Variants in PDZD8 observed in about 807,000 individuals in gnomAD.
PDZD8 encodes the protein PDZ domain containing 8.
A neutral mutation model predicts 85.8 loss-of-function variants in PDZD8; 14 were observed. That is an observed-to-expected ratio of 0.16 (90% CI 0.11 to 0.26). The LOEUF (loss-of-function observed/expected upper bound fraction) is 0.26, where lower values mean the gene tolerates loss of function less well. Among genes scored for constraint, PDZD8 ranks in the 10% least tolerant of loss-of-function variants. PDZD8 has a pLI of 1.00. For missense variants in PDZD8, 1,197 were observed against 1,424.3 expected (o/e 0.84, Z 2.57); for synonymous variants, 592 against 568.6 (o/e 1.04, Z -0.59).
Position 117,284,720 on chromosome 10 carries a change from G to T in PDZD8, c.2013C>A (p.Asp671Glu), listed in dbSNP as rs776096500. The change falls in exon 5 of 5, where the codon GAC becomes GAA. Residue 671 changes from aspartate (D) to glutamate (E), a missense_variant. Physicochemically the swap from Asp to Glu is conservative, Grantham distance 45. Transcript: ENST00000334464. The part of the protein sequence containing the change: ...VTSETSCPTK[D>E]SSDDRQTWES... ...CCCATGTTTGACGGTCGTCCGAACTGTCCTTAGTAGGGCAGGAAGTTTCTG... is the reference window on the plus strand; with the variant it reads ...CCCATGTTTGACGGTCGTCCGAACTTTCCTTAGTAGGGCAGGAAGTTTCTG... 1.9e-6 allele frequency: 3 copies of T among 1,614,220 alleles called. No homozygotes were observed. The highest frequency in any genetic ancestry group is 1.7e-6 in the Non-Finnish European group (2 of 1,180,030).
At position 117,374,678 on chromosome 10, in the gene PDZD8, C is replaced by T; in HGVS notation, c.550G>A (p.Ala184Thr). The T allele has an allele frequency of 6.3e-7, 1 of 1,589,886 alleles. No homozygotes were observed. The highest frequency in any genetic ancestry group is 8.6e-7 in the Non-Finnish European group (1 of 1,168,572). Residue 184 changes from alanine (A) to threonine (T), a missense_variant, in exon 1 of 5, where the codon GCC becomes ACC. This residue lies in a region of PDZD8 where 344 missense variants were observed against 453.6 expected (regional missense o/e 0.76). Coordinates refer to ENST00000334464, the MANE Select transcript of PDZD8 (RefSeq NM_173791.5). The surrounding 1 kb of genome is among the most constrained non-coding windows in gnomAD (Gnocchi z 7.8). ...AAGGCCAGCTCCTCGGGGCAGGCGG[C>T]GGGCAGCGCCTCCCCTTCAGGGCCA... ...PDGPEGEALPAACPEELAFEA... is the reference protein window; with the variant it reads ...PDGPEGEALPTACPEELAFEA...
In PDZD8 at chr10:117,375,162, C is replaced by A. The variant is rs368514233; in HGVS notation, c.66G>T (p.Gln22His). Residue 22 changes from glutamine (Q) to histidine (H), a missense_variant, in exon 1 of 5, where the codon CAG (glutamine) becomes CAT (histidine). Gln to His is a conservative substitution (Grantham distance 24). This residue lies in a region of PDZD8 where 172 missense variants were observed against 137.8 expected (regional missense o/e 1.25). Coordinates refer to ENST00000334464, the MANE Select transcript of PDZD8 (RefSeq NM_173791.5). ...GCTGTCTGCGGTACAGCAGGAAGAA[C>A]TGGGCGAGGAGCGTGAGGAAGGAAC... is the stretch of plus-strand genomic sequence containing the variant. ...VLGSFLTLLA[Q>H]FFLLYRRQPE... 4.0e-5 allele frequency: 63 copies of A among 1,586,548 alleles called. No individual in the cohort carries two copies. Among genetic ancestry groups the A allele is most frequent in the East Asian group, 3.6e-4 (16 of 44,032 alleles).
intron 1 of PDZD8, among the ~76,000 whole-genome samples, chr10:117,371,168 A>G (rs947645334): frequency 6.6e-6 from 1 of 152,078 alleles, no homozygotes; most frequent in East Asian, 1.9e-4. Context: ...CATCATCACC[A>G]GTTTGTTTAT....
chr10:117,299,723 A>AT (rs1843814412), intron 3 of PDZD8, among the ~76,000 whole-genome samples: 1 of 150,764 alleles, frequency 6.6e-6, no homozygotes, highest in Non-Finnish European at 1.5e-5. Context: ...TCCATATCCT[A>AT]TTTTTTTTCT....
chr10:117,322,786 A>G (rs982262249), intron 2 of PDZD8, among the ~76,000 whole-genome samples: 4 of 152,198 alleles, frequency 2.6e-5, no homozygotes, highest in African/African-American at 9.6e-5. Context: ...ATCACTAAAA[A>G]ATAAGACTAC....
At chr10:117,360,173 T>C (rs1589592656) in intron 1 of PDZD8, among the ~76,000 whole-genome samples, 1 of 152,190 alleles carries the variant, frequency 6.6e-6, no homozygotes, top group African/African-American at 2.4e-5. Context: ...TCCCTCATAA[T>C]AGAATTCAAA....
intron 1 of PDZD8, among the ~76,000 whole-genome samples, chr10:117,364,181 G>GGGGTGT (rs150260742): frequency 1.3e-5 from 2 of 148,984 alleles, no homozygotes; most frequent in African/African-American, 4.9e-5. Context: ...ATAATTTATG[G>GGGGTGT]GTGTGTGTGT....
In PDZD8 at chr10:117,286,965, T is replaced by G. The variant is rs373184314; in HGVS notation, c.1262-1494A>C. On this transcript the variant is annotated intron_variant, in intron 4 of 4. Transcript: ENST00000334464. Reference sequence around the variant, plus strand: ...ACAACTAAGTCTCTCAAACATCAGCTGTAAATCTTTCCTGTTTCCCTAAAG... The same window carrying G: ...ACAACTAAGTCTCTCAAACATCAGCGGTAAATCTTTCCTGTTTCCCTAAAG... 2.8e-4 allele frequency among the ~76,000 whole-genome samples: 43 copies of G among 152,304 alleles called. No individual in the cohort carries two copies. The East Asian group carries it at 5.8e-3, about 21-fold the overall frequency.
intron 3 of PDZD8, among the ~76,000 whole-genome samples, chr10:117,291,018 C>T (rs1392729918): frequency 6.6e-6 from 1 of 151,132 alleles, no homozygotes; most frequent in African/African-American, 2.4e-5. Context: ...TACAGGCGTG[C>T]ACCACTACGC....
intron 3 of PDZD8, among the ~76,000 whole-genome samples, chr10:117,311,268 C>T (rs973829332): frequency 6.6e-6 from 1 of 152,116 alleles, no homozygotes; most frequent in African/African-American, 2.4e-5. Context: ...TAGTATATCT[C>T]TCATTTTGTG....
chr10:117,289,552 T>C (rs541961129), intron 4 of PDZD8, among the ~76,000 whole-genome samples: 1 of 152,364 alleles, frequency 6.6e-6, no homozygotes, highest in African/African-American at 2.4e-5. Flanking sequence ...GACATTTATA[T>C]ACAAGCAAAT....
chr10:117,299,617 T>C (rs1040469663), intron 3 of PDZD8, among the ~76,000 whole-genome samples: 9 of 152,172 alleles, frequency 5.9e-5, no homozygotes, highest in African/African-American at 2.2e-4. Context: ...GTTGAAACTT[T>C]CCACTGCATT....
chr10:117,277,957 A>G lies in PDZD8; in HGVS notation c.*5311T>C, dbSNP rs1277881157. ...CAGCAAACACTAAAGCCAATAAAGG[A>G]AAAACAGTAAATGTTCCGAAAGCAG... On this transcript the variant is annotated 3_prime_UTR_variant, in exon 5 of 5. Coordinates refer to ENST00000334464, the MANE Select transcript of PDZD8 (RefSeq NM_173791.5). 1 of 152,214 alleles carries G rather than the reference A, an allele frequency of 6.6e-6. No individual in the cohort carries two copies. The highest frequency in any genetic ancestry group is 2.4e-5 in the African/African-American group (1 of 41,462). 9.4% of individuals were successfully genotyped at this position (152,214 alleles called of 1,614,324 possible).
At chr10:117,325,475 TCA>T (rs1234796734) in intron 2 of PDZD8, among the ~76,000 whole-genome samples, 1 of 136,232 alleles carries the variant, frequency 7.3e-6, no homozygotes. Context: ...CAATCTCAGC[TCA>T]CTACAACCTC....
At chr10:117,335,905 T>C (rs1222167830) in intron 2 of PDZD8, among the ~76,000 whole-genome samples, 1 of 152,142 alleles carries the variant, frequency 6.6e-6, no homozygotes, top group African/African-American at 2.4e-5. Context: ...TTGAGAGCCA[T>C]GAAGTAAGAA....
At chr10:117,326,100 G>A (rs1844311953) in intron 2 of PDZD8, among the ~76,000 whole-genome samples, 1 of 152,100 alleles carries the variant, frequency 6.6e-6, no homozygotes, top group South Asian at 2.1e-4. Flanking sequence ...GGCCTCCCCA[G>A]CCATGCAGAA....
rs892695048 is a variant in PDZD8 at position 117,284,456 on chromosome 10, G to C, written c.2277C>G (p.Ala759=). Reference sequence around the variant, plus strand: ...TAGTGACTATAGCCTTAGGTGAGGGGGCTTCCAGTCTCAATTTGGAAAGGT... The same window carrying C: ...TAGTGACTATAGCCTTAGGTGAGGGCGCTTCCAGTCTCAATTTGGAAAGGT... The part of the protein sequence containing the change: ...TEYLSKLRLE[A]PSPKAIVTRT... The change falls in exon 5 of 5, where the codon GCC becomes GCG. Residue 759 remains alanine (A), a synonymous_variant. Coordinates refer to ENST00000334464, the MANE Select transcript of PDZD8 (RefSeq NM_173791.5). 9 of 1,613,988 alleles carry C rather than the reference G, an allele frequency of 5.6e-6. No individual in the cohort carries two copies. The African/African-American group carries it at 1.1e-4, about 19-fold the overall frequency.
intron 3 of PDZD8, among the ~76,000 whole-genome samples, chr10:117,295,774 A>T (rs1256596278): frequency 1.3e-5 from 2 of 152,218 alleles, no homozygotes; most frequent in Non-Finnish European, 2.9e-5. Context: ...CTGCAAAAAA[A>T]TTAACAAAAT....
At position 117,346,189 on chromosome 10, in the gene PDZD8, C is replaced by T. The variant is rs372749448; in HGVS notation, c.873-5087G>A. Among the ~76,000 whole-genome samples the T allele has an allele frequency of 1.0e-4, 14 of 139,016 alleles. 1 individual carries two copies. Among genetic ancestry groups the T allele is most frequent in the Admixed American group, 5.7e-4 (7 of 12,272 alleles). The allele number at this position is 139,016 out of a possible 152,430, so 91.2% of individuals were successfully genotyped here. ...CTGGGAGGCGGAGGTTGCAGTGAGC[C>T]GAGATTGCACTCCAGCCTAGGCAAC... On this transcript the variant is annotated intron_variant, in intron 1 of 4. Transcript: ENST00000334464.
Sources: allele counts gnomAD v4.1 joint callset (sites outside exome capture counted in the v4.1 genomes callset), GRCh38; gene constraint gnomAD v4.1.1; regional missense constraint gnomAD v4.1.1; non-coding constraint Gnocchi (gnomAD v3.1); transcripts MANE v1.5; gene names NCBI Gene and HGNC (gene_info 2026-07-23, HGNC 2026-07-21).